The following PPP1R12C variants were observed in gnomAD, a reference collection of about 807,000 sequenced individuals.
PPP1R12C encodes the protein protein phosphatase 1 regulatory subunit 12C.
A neutral mutation model predicts 95.6 loss-of-function variants in PPP1R12C; 48 were observed. That is an observed-to-expected ratio of 0.50 (90% confidence interval 0.40 to 0.64). The LOEUF (loss-of-function observed/expected upper bound fraction) is 0.64. PPP1R12C is among the 30% of genes least tolerant of loss of function. The pLI, the probability that PPP1R12C is intolerant of heterozygous loss-of-function variation, is 0.00. For missense variants in PPP1R12C, 1,057 were observed against 1,083.3 expected, an observed-to-expected ratio of 0.98 and a Z score of 0.34; for synonymous variants, 480 against 460.8, an observed-to-expected ratio of 1.04 and a Z score of -0.53.
intron 8 of PPP1R12C, 32 bp downstream of exon 8, chr19:55,096,019 C>T (rs749138389): frequency 6.8e-6 from 11 of 1,608,454 alleles, no homozygotes; most frequent in Admixed American, 6.7e-5. Flanking sequence ...CCTCCTCCCT[C>T]GGACCCAGGA....
rs754554284 is a variant in PPP1R12C, at chr19:55,094,720, C to G, written c.1533G>C (p.Ala511=). The G allele has an allele frequency of 6.2e-7, 1 of 1,610,164 alleles. No individual in the cohort carries two copies. Among genetic ancestry groups the G allele is most frequent in the Non-Finnish European group, 8.5e-7 (1 of 1,179,110 alleles). The change falls in exon 12 of 22, where the codon GCG becomes GCC. Residue 511 remains alanine (A), a synonymous_variant. Coordinates refer to ENST00000263433, the MANE Select transcript of PPP1R12C (RefSeq NM_017607.4). ...PSRIPEPESP[A]KPNVPTASTA... Reference sequence around the variant, plus strand: ...TGGAGGCTGTGGGGACGTTTGGCTTCGCTGGGGATTCAGGCTCCGGAATCC... The same window carrying G: ...TGGAGGCTGTGGGGACGTTTGGCTTGGCTGGGGATTCAGGCTCCGGAATCC...
intron 11 of PPP1R12C, 105 bp downstream of exon 11, chr19:55,095,186 G>A: frequency 3.9e-6 from 5 of 1,295,382 alleles, no homozygotes; most frequent in Non-Finnish European, 5.5e-6. Context: ...GTGGCGGCAG[G>A]AACCAGACCC....
intron 3 of PPP1R12C, among the ~76,000 whole-genome samples, chr19:55,108,240 T>G (rs2085059757): frequency 6.6e-6 from 1 of 150,952 alleles, no homozygotes; most frequent in Admixed American, 6.6e-5. Context: ...CAGCCTAAAA[T>G]TTACCATTTT....
At chr19:55,116,314 C>G (rs1349576931) in intron 1 of PPP1R12C, among the ~76,000 whole-genome samples, 1 of 151,880 alleles carries the variant, frequency 6.6e-6, no homozygotes, top group Non-Finnish European at 1.5e-5. Flanking sequence ...AGGAGAGATG[C>G]CCGGAGAGGA....
chr19:55,114,118 C>G, intron 1 of PPP1R12C: 1 of 159,330 alleles, frequency 6.3e-6, no homozygotes. Flanking sequence ...CAGGCCCCAG[C>G]CCCTCCTCCC....
At position 55,112,536 on chromosome 19, in the gene PPP1R12C, C is replaced by T; in HGVS notation, c.502G>A (p.Asp168Asn). 6.2e-7 allele frequency: 1 copy of T among 1,612,712 alleles called. No homozygotes were observed. The change falls in exon 3 of 22, where the codon GAC becomes AAC. Residue 168 changes from aspartate (D) to asparagine (N), a missense_variant. By Grantham distance (23) the Asp-to-Asn change is conservative. This residue lies in a region of PPP1R12C where 282 missense variants were observed against 380.4 expected (regional missense o/e 0.74). Transcript: ENST00000263433. ...GACTCGGCCAGGTCCAGGGGCAGGT[C>T]CCCGTCACTGTTGACGGCGGCGATG... ...ANIAAVNSDGDLPLDLAESDA... is the reference protein window; with the variant it reads ...ANIAAVNSDGNLPLDLAESDA...
In PPP1R12C at chr19:55,091,297, G is replaced by C. The variant is rs374197470; in HGVS notation, c.*175C>G. 2.1e-5 allele frequency: 14 copies of C among 675,504 alleles called. No individual in the cohort carries two copies. The South Asian group carries it at 2.5e-4, about 12-fold the overall frequency. The allele number at this position is 675,504 out of a possible 1,614,324, so 41.8% of individuals were successfully genotyped here. A position where few individuals can be genotyped will look rare whatever the true frequency, so the allele number is the denominator to read the frequency against. On this transcript the variant is annotated 3_prime_UTR_variant, in exon 22 of 22. Coordinates refer to ENST00000263433, the MANE Select transcript of PPP1R12C (RefSeq NM_017607.4). ...GGCCTCCCACCTCCATCCTGGCCTCGGGTGGCCCCCTCGGCTCCTGGGGAC... is the reference window on the plus strand; with the variant it reads ...GGCCTCCCACCTCCATCCTGGCCTCCGGTGGCCCCCTCGGCTCCTGGGGAC...
chr19:55,113,237 C>CT, intron 1 of PPP1R12C: 1 of 561,892 alleles, frequency 1.8e-6, no homozygotes, highest in Non-Finnish European at 2.9e-6. Context: ...CAGCCAGGTC[C>CT]TTCCAAGGGT....
rs59216837 is a variant in PPP1R12C, at chr19:55,097,613, T to C, written c.951+1171A>G. On this transcript the variant is annotated intron_variant, in intron 6 of 21. Coordinates refer to ENST00000263433, the MANE Select transcript of PPP1R12C (RefSeq NM_017607.4). Reference sequence around the variant, plus strand: ...GCAGTTCACCACCGTCTTCGCCCCTTCCCCGCGCAGTTCACCACCGTCTTC... The same window carrying C: ...GCAGTTCACCACCGTCTTCGCCCCTCCCCCGCGCAGTTCACCACCGTCTTC... Among the ~76,000 whole-genome samples, 99 of 48,004 alleles carry C rather than the reference T, an allele frequency of 2.1e-3. 2 individuals are homozygous for C. Among genetic ancestry groups the C allele is most frequent in the Non-Finnish European group, 3.4e-3 (83 of 24,284 alleles). 31.5% of individuals were successfully genotyped at this position (48,004 alleles called of 152,430 possible).
chr19:55,095,670 C>A lies in PPP1R12C; in HGVS notation c.1228-67G>T, dbSNP rs2084902934. ...TCTTCTCAGACCTCAAGGGTTAGCCCCCAAAGGACTGCAACAAACTACAAT... is the reference window on the plus strand; with the variant it reads ...TCTTCTCAGACCTCAAGGGTTAGCCACCAAAGGACTGCAACAAACTACAAT... On this transcript the variant is annotated intron_variant, in intron 9 of 21. Coordinates refer to ENST00000263433, the MANE Select transcript of PPP1R12C (RefSeq NM_017607.4). 8.6e-6 allele frequency: 13 copies of A among 1,507,192 alleles called. No individual in the cohort carries two copies. In the South Asian group the frequency reaches 1.6e-4, roughly 18 times the overall value. 93.4% of individuals were successfully genotyped at this position (1,507,192 alleles called of 1,614,324 possible).
chr19:55,092,749 T>C, intron 16 of PPP1R12C, 34 bp downstream of exon 16: 1 of 1,270,774 alleles, frequency 7.9e-7, no homozygotes, highest in Non-Finnish European at 1.1e-6. Flanking sequence ...CGGCCCACCC[T>C]CTGCACCAGC....
Position 55,106,678 on chromosome 19 carries a change from G to A in PPP1R12C, c.572-3110C>T, listed in dbSNP as rs141306751. 6.3e-4 allele frequency among the ~76,000 whole-genome samples: 96 copies of A among 152,302 alleles called. 2 individuals carry two copies. The East Asian group carries it at 0.015, about 24-fold the overall frequency. On this transcript the variant is annotated intron_variant, in intron 3 of 21. Transcript: ENST00000263433. Reference sequence around the variant, plus strand: ...TCTGCACAGGACATGGTGCTGCTGCGTGTCCCTGCAGCACAGCTGCTGCTT... The same window carrying A: ...TCTGCACAGGACATGGTGCTGCTGCATGTCCCTGCAGCACAGCTGCTGCTT...
intron 11 of PPP1R12C, 71 bp downstream of exon 11, chr19:55,095,220 G>T: frequency 6.8e-7 from 1 of 1,459,952 alleles, no homozygotes; most frequent in Non-Finnish European, 9.4e-7. Flanking sequence ...GTCTCACTCA[G>T]GATCACACGG....
At position 55,095,534 on chromosome 19, in the gene PPP1R12C, G is replaced by T. The variant is rs1371385613; in HGVS notation, c.1297C>A (p.Pro433Thr). Residue 433 changes from proline to threonine, a missense_variant, in exon 10 of 22, where the codon CCC (proline) becomes ACC (threonine). Around this residue, in one of 5 missense-constraint regions of PPP1R12C, gnomAD observed 356 missense variants for 330.5 expected, o/e 1.08. Transcript: ENST00000263433. The part of the protein sequence containing the change: ...LKTGSSGALG[P>T]PERRTAEGAP... ...CCCTCCGCTGTCCGCCTTTCAGGGG[G>T]ACCCAGGGCACCAGAACTCCCTGTC... is the stretch of plus-strand genomic sequence containing the variant. 2 of 1,591,384 alleles carry T rather than the reference G, an allele frequency of 1.3e-6. No individual in the cohort carries two copies.
chr19:55,112,957 C>A, intron 1 of PPP1R12C, 162 bp from the exon 2 acceptor site: 1 of 1,031,296 alleles, frequency 9.7e-7, no homozygotes, highest in Admixed American at 2.6e-5. Flanking sequence ...TAAGATACGC[C>A]TGGTTGCCCA....
rs1332317384 is a variant in PPP1R12C, at chr19:55,095,605, T to A, written c.1228-2A>T. 1 of 1,554,944 alleles carries A rather than the reference T, an allele frequency of 6.4e-7. No individual in the cohort carries two copies. The highest frequency in any genetic ancestry group is 8.7e-7 in the Non-Finnish European group (1 of 1,154,966). ...GGAGAAGGGGGCCTCTTCAAGCTGC[T>A]GGGAGAAGGAGGAGGTCTCAGTTAG... On this transcript the variant is annotated splice_acceptor_variant, in intron 9 of 21. Coordinates refer to ENST00000263433, the MANE Select transcript of PPP1R12C (RefSeq NM_017607.4). LOFTEE classifies it high-confidence loss of function.
rs946675925 is a variant in PPP1R12C at position 55,095,873 on chromosome 19, A to T, written c.1221T>A (p.Ser407Arg). ...TCTCAGGGCATCCACTCACCACGGG[A>T]CTCTTAGGGCTGGGGTGCGGCGGGG... ...VSSPPHPSPK[S>R]PVQLEEAPFS... The change falls in exon 9 of 22, where the codon AGT (serine) becomes AGA (arginine). Residue 407 changes from serine to arginine, a missense_variant. By Grantham distance (110) the Ser-to-Arg change is moderately radical. Coordinates refer to ENST00000263433, the MANE Select transcript of PPP1R12C (RefSeq NM_017607.4). The T allele has an allele frequency of 3.7e-6, 6 of 1,612,846 alleles. No individual in the cohort carries two copies. In the African/African-American group the frequency reaches 8.0e-5, roughly 22 times the overall value.
intron 6 of PPP1R12C, among the ~76,000 whole-genome samples, chr19:55,097,783 G>A (rs1378051294): frequency 6.6e-6 from 1 of 152,178 alleles, no homozygotes; most frequent in Non-Finnish European, 1.5e-5. Context: ...TCCAGAAAGT[G>A]TCCCCAGATG....
intron 1 of PPP1R12C, chr19:55,113,639 A>G: frequency 8.0e-7 from 1 of 1,247,182 alleles, no homozygotes. Flanking sequence ...TCCTAGATCC[A>G]CGGGATAAAT....
Sources: allele counts gnomAD v4.1 joint callset (sites outside exome capture counted in the v4.1 genomes callset), GRCh38; gene constraint gnomAD v4.1.1; regional missense constraint gnomAD v4.1.1; transcripts MANE v1.5; gene names NCBI Gene and HGNC (gene_info 2026-07-23, HGNC 2026-07-21).